Variants in DLG2 observed in about 807,000 individuals in gnomAD.
The protein encoded by DLG2 is discs large MAGUK scaffold protein 2, also known as disks large homolog 2.
Under a neutral mutation model 132.5 loss-of-function variants are expected in DLG2, and 45 were observed. The observed-to-expected ratio is 0.34, with a 90% CI of 0.27 to 0.44. The LOEUF (loss-of-function observed/expected upper bound fraction) is 0.44, where lower values mean the gene tolerates loss of function less well. Among genes scored for constraint, DLG2 ranks in the 20% least tolerant of loss-of-function variants. The pLI is 1.00. For missense variants in DLG2, 1,045 were observed against 1,196.9 expected (o/e 0.87, Z 1.87); for synonymous variants, 424 against 419.6 (o/e 1.01, Z -0.13).
At chr11:84,187,504 C>A (rs2096300015) in intron 8 of DLG2, among the ~76,000 whole-genome samples, 1 of 151,892 alleles carries the variant, frequency 6.6e-6, no homozygotes, top group East Asian at 1.9e-4. Context: ...TCAAACCTTA[C>A]CAAGGACTGT....
At chr11:83,897,469 T>C (rs1476697276) in intron 15 of DLG2, among the ~76,000 whole-genome samples, 1 of 152,242 alleles carries the variant, frequency 6.6e-6, no homozygotes, top group African/African-American at 2.4e-5. Flanking sequence ...CCAAATTGTG[T>C]ATTCTATAAA....
intron 6 of DLG2, among the ~76,000 whole-genome samples, chr11:84,770,529 G>A (rs556505248): frequency 6.6e-6 from 1 of 151,984 alleles, no homozygotes; most frequent in African/African-American, 2.4e-5. Context: ...TCCTCATTAA[G>A]CTCCCACTTT....
intron 14 of DLG2, among the ~76,000 whole-genome samples, chr11:83,939,506 C>G (rs768395729): frequency 6.6e-6 from 1 of 152,104 alleles, no homozygotes; most frequent in Non-Finnish European, 1.5e-5. Flanking sequence ...ATTACAAAGG[C>G]CCCCAAAGAG....
At chr11:84,053,106 C>T (rs565084147) in intron 11 of DLG2, among the ~76,000 whole-genome samples, 11 of 152,120 alleles carry the variant, frequency 7.2e-5, no homozygotes, top group Admixed American at 3.3e-4. Context: ...GAGATCATGT[C>T]CTTTGCAGAG....
chr11:83,698,981 C>T (rs1803351938), intron 18 of DLG2, among the ~76,000 whole-genome samples: 1 of 152,184 alleles, frequency 6.6e-6, no homozygotes, highest in Admixed American at 6.5e-5. Flanking sequence ...GAGAAGTGGG[C>T]TGCAGGTAGA....
chr11:84,552,166 C>A (rs1490445879), intron 6 of DLG2, among the ~76,000 whole-genome samples: 7 of 152,174 alleles, frequency 4.6e-5, no homozygotes, highest in African/African-American at 1.7e-4. Context: ...GACTCTAAAT[C>A]AGCAGATATA....
At position 84,713,293 on chromosome 11, in the gene DLG2, G is replaced by T. The variant is rs190161802; in HGVS notation, c.358-178562C>A. Among the ~76,000 whole-genome samples, 7 of 152,134 alleles carry T rather than the reference G, an allele frequency of 4.6e-5. No individual in the cohort carries two copies. In the East Asian group the frequency reaches 1.4e-3, roughly 30 times the overall value. On this transcript the variant is annotated intron_variant, in intron 6 of 27. Coordinates refer to ENST00000376104, the MANE Select transcript of DLG2 (RefSeq NM_001142699.3). The stretch of plus-strand genomic sequence containing the variant: ...TTTGGGCAAATTACTTAAACCACCT[G>T]CACCCCAATTTCTCTACCTGTAACA...
chr11:85,050,072 G>A (rs892872573), intron 6 of DLG2, among the ~76,000 whole-genome samples: 3 of 149,454 alleles, frequency 2.0e-5, no homozygotes, highest in Non-Finnish European at 3.0e-5. Context: ...CTTACATTCT[G>A]AAGGAACTCC....
intron 9 of DLG2, among the ~76,000 whole-genome samples, chr11:84,120,164 T>TA (rs1402979008): frequency 6.6e-6 from 1 of 152,180 alleles, no homozygotes; most frequent in Non-Finnish European, 1.5e-5. Context: ...CTAATGTCTG[T>TA]AAGGCTCATT....
In DLG2 at chr11:84,947,279, C is replaced by T. The variant is rs968780778; in HGVS notation, c.357+164382G>A. Among the ~76,000 whole-genome samples the T allele has an allele frequency of 2.6e-5, 4 of 152,018 alleles. No homozygotes were observed. The East Asian group carries it at 5.8e-4, about 22-fold the overall frequency. ...TGTTCCTTCTGGCAGGGGTAGGGGG[C>T]GATCACTGGAGGGTTCTATTTGGCC... is the stretch of plus-strand genomic sequence containing the variant. On this transcript the variant is annotated intron_variant, in intron 6 of 27. Coordinates refer to ENST00000376104, the MANE Select transcript of DLG2 (RefSeq NM_001142699.3).
chr11:85,397,450 G>T (rs544337269), intron 3 of DLG2, among the ~76,000 whole-genome samples: 74 of 152,220 alleles, frequency 4.9e-4, no homozygotes, highest in African/African-American at 1.6e-3. Flanking sequence ...AATGTAAATG[G>T]GCAAAATGCC....
At chr11:85,291,513 G>C (rs1047335653) in intron 3 of DLG2, among the ~76,000 whole-genome samples, 2 of 151,644 alleles carry the variant, frequency 1.3e-5, no homozygotes, top group Non-Finnish European at 2.9e-5. Flanking sequence ...TTTGGTGATT[G>C]GCATATATGG....
chr11:85,498,677 G>T (rs1265050722), intron 3 of DLG2, among the ~76,000 whole-genome samples: 1 of 151,702 alleles, frequency 6.6e-6, no homozygotes, highest in Non-Finnish European at 1.5e-5. Context: ...CACATAATTG[G>T]AAGTAAAAAC....
chr11:84,557,526 T>A (rs2099414304), intron 6 of DLG2, among the ~76,000 whole-genome samples: 1 of 152,218 alleles, frequency 6.6e-6, no homozygotes, highest in Admixed American at 6.5e-5. Context: ...TGGAACTTTA[T>A]GTAAGCAGTA....
chr11:84,964,578 T>C (rs895224150), intron 6 of DLG2, among the ~76,000 whole-genome samples: 2 of 151,476 alleles, frequency 1.3e-5, no homozygotes, highest in Admixed American at 6.6e-5. Flanking sequence ...GAAAATAAAG[T>C]ACAAGACAAC....
intron 12 of DLG2, among the ~76,000 whole-genome samples, chr11:83,970,139 G>C (rs919386202): frequency 3.3e-5 from 5 of 152,168 alleles, no homozygotes; most frequent in African/African-American, 1.2e-4. Context: ...CTCTGTTTCT[G>C]ACAAGGGCTC....
intron 6 of DLG2, among the ~76,000 whole-genome samples, chr11:84,658,637 A>G (rs1240337192): frequency 1.3e-5 from 2 of 152,112 alleles, no homozygotes; most frequent in Non-Finnish European, 2.9e-5. Flanking sequence ...TTCTCACTCT[A>G]TTAGTTCATA....
chr11:84,846,890 A>AT (rs1190175307), intron 6 of DLG2, among the ~76,000 whole-genome samples: 1 of 152,090 alleles, frequency 6.6e-6, no homozygotes, highest in Admixed American at 6.6e-5. Flanking sequence ...TATATGTGAG[A>AT]TTTTTTTATA....
intron 4 of DLG2, among the ~76,000 whole-genome samples, chr11:85,278,179 A>G (rs1163508962): frequency 6.6e-6 from 1 of 152,226 alleles, no homozygotes; most frequent in African/African-American, 2.4e-5. Flanking sequence ...AATCCCCACT[A>G]TAGCACAATT....
Sources: allele counts gnomAD v4.1 joint callset (sites outside exome capture counted in the v4.1 genomes callset), GRCh38; gene constraint gnomAD v4.1.1; transcripts MANE v1.5; gene names NCBI Gene and HGNC (gene_info 2026-07-23, HGNC 2026-07-21).